The following CRIM1 variants were observed in gnomAD, a reference collection of about 807,000 sequenced individuals.
CRIM1 encodes the protein cysteine rich transmembrane BMP regulator 1.
A neutral mutation model predicts 116.4 loss-of-function variants in CRIM1; 32 were observed. The observed-to-expected ratio is 0.27, with a 90% CI of 0.21 to 0.37. The LOEUF (loss-of-function observed/expected upper bound fraction) is 0.37, where lower values mean the gene tolerates loss of function less well. CRIM1 is among the 10% of genes least tolerant of loss of function. The pLI is 1.00. For missense variants in CRIM1, 1,331 were observed against 1,354.8 expected, an observed-to-expected ratio of 0.98 and a Z score of 0.28; for synonymous variants, 590 against 509.2, an observed-to-expected ratio of 1.16 and a Z score of -2.13.
chr2:36,435,330 C>CTGTGTGTGTG (rs111252647), intron 2 of CRIM1, among the ~76,000 whole-genome samples: 31 of 149,974 alleles, frequency 2.1e-4, no homozygotes, highest in Middle Eastern at 3.4e-3. Context: ...GTGTATCTCA[C>CTGTGTGTGTG]TGTGTGTGTG....
At chr2:36,358,519 G>C (rs1669005886) in intron 1 of CRIM1, among the ~76,000 whole-genome samples, 1 of 152,194 alleles carries the variant, frequency 6.6e-6, no homozygotes, top group Non-Finnish European at 1.5e-5. Context: ...ATCGAGTGTT[G>C]TGGCAGCAAT....
intron 6 of CRIM1, 110 bp downstream of exon 6, chr2:36,477,181 C>T: frequency 1.2e-6 from 1 of 819,468 alleles, no homozygotes; most frequent in Non-Finnish European, 1.8e-6. Context: ...TATTGAAGTT[C>T]CTTTTTTAGC....
chr2:36,450,503 C>T (rs1393314299), intron 4 of CRIM1, among the ~76,000 whole-genome samples: 1 of 152,118 alleles, frequency 6.6e-6, no homozygotes, highest in Non-Finnish European at 1.5e-5. Context: ...TGGACCATTT[C>T]TTTCTGTCTC....
intron 7 of CRIM1, among the ~76,000 whole-genome samples, chr2:36,488,110 T>C (rs1679966726): frequency 6.6e-6 from 1 of 152,220 alleles, no homozygotes; most frequent in South Asian, 2.1e-4. Context: ...TTGCTTAATA[T>C]ATGAGGGTTA....
chr2:36,440,991 T>C (rs1675774069), intron 2 of CRIM1, among the ~76,000 whole-genome samples: 1 of 152,222 alleles, frequency 6.6e-6, no homozygotes, highest in Admixed American at 6.5e-5. Flanking sequence ...TTCTTCATTT[T>C]GGTCATTGCT....
intron 14 of CRIM1, among the ~76,000 whole-genome samples, chr2:36,538,664 T>G (rs1666726645): frequency 6.6e-6 from 1 of 152,178 alleles, no homozygotes; most frequent in Non-Finnish European, 1.5e-5. Flanking sequence ...AAATGTCCAT[T>G]TATCTCCTAA....
In CRIM1 at chr2:36,477,219, T is replaced by G. The variant is rs1400361991; in HGVS notation, c.1174+148T>G. ...TTTTTAAGACACCATGGTCTGTCTT[T>G]TAGCATGTTAAAGCCAGGTAGAGTG... On this transcript the variant is annotated intron_variant, in intron 6 of 16. Transcript: ENST00000280527. 1.5e-5 allele frequency: 10 copies of G among 649,358 alleles called. No homozygotes were observed. The Admixed American group carries it at 3.5e-4, about 23-fold the overall frequency. 40.2% of individuals were successfully genotyped at this position (649,358 alleles called of 1,614,324 possible).
At chr2:36,525,154 T>C (rs1372094971) in intron 13 of CRIM1, among the ~76,000 whole-genome samples, 1 of 152,252 alleles carries the variant, frequency 6.6e-6, no homozygotes, top group Non-Finnish European at 1.5e-5. Context: ...CTCGTTCATC[T>C]TAATAATTTA....
At chr2:36,434,282 G>A (rs983454255) in intron 2 of CRIM1, among the ~76,000 whole-genome samples, 1 of 152,218 alleles carries the variant, frequency 6.6e-6, no homozygotes, top group Non-Finnish European at 1.5e-5. Context: ...CAGCCAGCAA[G>A]AAAGTAATGA....
At chr2:36,381,014 G>C (rs1402738892) in intron 1 of CRIM1, among the ~76,000 whole-genome samples, 1 of 152,190 alleles carries the variant, frequency 6.6e-6, no homozygotes, top group Non-Finnish European at 1.5e-5. Flanking sequence ...TGCTCTCCCT[G>C]CCCCATGACT....
chr2:36,453,743 T>C (rs1395205526), intron 4 of CRIM1, among the ~76,000 whole-genome samples: 1 of 152,184 alleles, frequency 6.6e-6, no homozygotes, highest in Non-Finnish European at 1.5e-5. Context: ...TGTTGTGTGC[T>C]TTGGTAGTAG....
chr2:36,393,553 C>T (rs535292096), intron 1 of CRIM1, among the ~76,000 whole-genome samples: 68 of 151,862 alleles, frequency 4.5e-4, no homozygotes, highest in Admixed American at 2.0e-3. Flanking sequence ...CTTTGTCTAC[C>T]GGGGAATTAT....
chr2:36,434,449 T>C (rs935699291), intron 2 of CRIM1, among the ~76,000 whole-genome samples: 3 of 152,224 alleles, frequency 2.0e-5, no homozygotes, highest in African/African-American at 4.8e-5. Flanking sequence ...GGACGACTAG[T>C]GGGAAAATCA....
chr2:36,413,557 A>C (rs1481759738), intron 2 of CRIM1, among the ~76,000 whole-genome samples: 1 of 152,164 alleles, frequency 6.6e-6, no homozygotes, highest in African/African-American at 2.4e-5. Context: ...TGTTTCAGAG[A>C]GAGCCCAGAA....
intron 14 of CRIM1, among the ~76,000 whole-genome samples, chr2:36,542,137 GC>G (rs1365213774): frequency 2.0e-5 from 3 of 152,156 alleles, no homozygotes; most frequent in Non-Finnish European, 4.4e-5. Context: ...GGTGGAGTGA[GC>G]TAATACACAG....
intron 13 of CRIM1, 56 bp from the exon 14 acceptor site, chr2:36,537,296 A>G (rs1427475015): frequency 6.7e-7 from 1 of 1,488,182 alleles, no homozygotes; most frequent in East Asian, 2.3e-5. Context: ...CACGTCTAAT[A>G]AGATCGTGTG....
Position 36,544,457 on chromosome 2 carries a change from G to T in CRIM1, c.2705G>T (p.Trp902Leu), listed in dbSNP as rs767562104. ...RGEVDLEVPL[W>L]PTPSENDIVH... ...GAGGTTGACCTGGAGGTTCCCCTGT[G>T]GCCCACGCCTAGTGAAAATGATATC... The change falls in exon 15 of 17, where the codon TGG becomes TTG. Residue 902 changes from tryptophan (W) to leucine (L), a missense_variant. By Grantham distance (61) the Trp-to-Leu change is moderately conservative. This residue lies in a region of CRIM1 where 283 missense variants were observed against 242.8 expected (regional missense o/e 1.17). Transcript: ENST00000280527. The T allele has an allele frequency of 7.1e-7, 1 of 1,408,520 alleles. No individual in the cohort carries two copies. The highest frequency in any genetic ancestry group is 2.0e-5 in the South Asian group (1 of 50,482). 87.3% of individuals were successfully genotyped at this position (1,408,520 alleles called of 1,614,324 possible). A position where few individuals can be genotyped will look rare whatever the true frequency, so the allele number is the denominator to read the frequency against.
intron 1 of CRIM1, among the ~76,000 whole-genome samples, chr2:36,384,982 C>G (rs1428461018): frequency 2.6e-5 from 4 of 151,666 alleles, no homozygotes; most frequent in Non-Finnish European, 5.9e-5. Context: ...ATATGAAGCA[C>G]TGTTTATTGA....
chr2:36,478,412 A>G (rs760222263), intron 6 of CRIM1, among the ~76,000 whole-genome samples: 6 of 152,190 alleles, frequency 3.9e-5, no homozygotes, highest in Non-Finnish European at 8.8e-5. Flanking sequence ...TAGTCATCAT[A>G]CTGAGTTGTC....
Sources: allele counts gnomAD v4.1 joint callset (sites outside exome capture counted in the v4.1 genomes callset), GRCh38; gene constraint gnomAD v4.1.1; regional missense constraint gnomAD v4.1.1; transcripts MANE v1.5; gene names NCBI Gene and HGNC (gene_info 2026-07-23, HGNC 2026-07-21).